Variants in PSEN1 observed in about 807,000 individuals in gnomAD.
The protein encoded by PSEN1 is presenilin 1.
Under a neutral mutation model 53.5 loss-of-function variants are expected in PSEN1, and 15 were observed. That is an observed-to-expected ratio of 0.28 (90% confidence interval 0.19 to 0.43). The LOEUF is 0.43. Among genes scored for constraint, PSEN1 ranks in the 20% least tolerant of loss-of-function variants. The pLI is 1.00. For missense variants in PSEN1, 387 were observed against 571.2 expected (o/e 0.68, Z 3.29); for synonymous variants, 208 against 209.8 (o/e 0.99, Z 0.08).
intron 7 of PSEN1, among the ~76,000 whole-genome samples, chr14:73,196,722 C>T (rs1400278736): frequency 1.3e-5 from 2 of 151,584 alleles, no homozygotes; most frequent in African/African-American, 4.8e-5. Flanking sequence ...TGATCTGCTG[C>T]CTCAGCCTCC....
chr14:73,163,312 T>C (rs189316297), intron 3 of PSEN1, among the ~76,000 whole-genome samples: 2 of 152,310 alleles, frequency 1.3e-5, no homozygotes, highest in East Asian at 3.9e-4. Flanking sequence ...ACTCGATGGC[T>C]CATGCCTGTA....
In PSEN1 at chr14:73,157,056, A is replaced by G. The variant is rs938668259; in HGVS notation, c.87+8950A>G. 5.3e-5 allele frequency among the ~76,000 whole-genome samples: 8 copies of G among 151,972 alleles called. 1 individual carries two copies. The South Asian group carries it at 1.5e-3, about 28-fold the overall frequency. On this transcript the variant is annotated intron_variant, in intron 3 of 11. Transcript: ENST00000324501. The stretch of plus-strand genomic sequence containing the variant: ...AGATTTTTCCTTTCGGAAATCCCTC[A>G]GTATTCTAGTACCACTTTCCTCTCA...
At chr14:73,195,717 G>A (rs1042326413) in intron 7 of PSEN1, among the ~76,000 whole-genome samples, 1 of 151,912 alleles carries the variant, frequency 6.6e-6, no homozygotes, top group Non-Finnish European at 1.5e-5. Context: ...TCAGCCTCCC[G>A]AGTAGATAAG....
intron 5 of PSEN1, among the ~76,000 whole-genome samples, chr14:73,184,367 C>T (rs1198372456): frequency 4.3e-5 from 5 of 117,622 alleles, no homozygotes; most frequent in Admixed American, 8.2e-5. Flanking sequence ...ACCTCCCGGA[C>T]GGGGCGGCTG....
intron 5 of PSEN1, among the ~76,000 whole-genome samples, chr14:73,184,152 G>T (rs1180169054): frequency 8.8e-6 from 1 of 113,934 alleles, no homozygotes; most frequent in East Asian, 2.6e-4. Context: ...CCGGCCGGGG[G>T]GCTGACCCCC....
intron 5 of PSEN1, 77 bp downstream of exon 5, chr14:73,173,784 T>A: frequency 6.7e-7 from 1 of 1,491,700 alleles, no homozygotes; most frequent in Non-Finnish European, 9.4e-7. Flanking sequence ...GTAACTTAAC[T>A]GATCTAGGAA....
chr14:73,147,226 C>T (rs1241346566), intron 1 of PSEN1, among the ~76,000 whole-genome samples: 6 of 152,006 alleles, frequency 3.9e-5, no homozygotes, highest in African/African-American at 1.2e-4. Flanking sequence ...CCTCGTGATC[C>T]GCCCGCCTTG....
At chr14:73,154,899 G>A (rs1897314310) in intron 3 of PSEN1, among the ~76,000 whole-genome samples, 1 of 152,210 alleles carries the variant, frequency 6.6e-6, no homozygotes, top group Non-Finnish European at 1.5e-5. Context: ...TGCTGCTGAG[G>A]TTGTAGGGAA....
chr14:73,190,651 G>T (rs999748065), intron 6 of PSEN1, among the ~76,000 whole-genome samples: 1 of 152,030 alleles, frequency 6.6e-6, no homozygotes, highest in Admixed American at 6.6e-5. Flanking sequence ...TTTTGGAGGT[G>T]GAGACAGGAG....
chr14:73,217,342 T>A, intron 11 of PSEN1, 98 bp downstream of exon 11: 1 of 1,405,020 alleles, frequency 7.1e-7, no homozygotes, highest in Non-Finnish European at 1.0e-6. Flanking sequence ...CCAGGTGGGT[T>A]AAATATTCCA....
At chr14:73,217,912 C>G (rs1015063114) in intron 11 of PSEN1, among the ~76,000 whole-genome samples, 1 of 151,174 alleles carries the variant, frequency 6.6e-6, no homozygotes, top group African/African-American at 2.4e-5. Flanking sequence ...CTCAGCCTCC[C>G]GAGTAGCTGG....
chr14:73,152,869 C>A (rs1385547193), intron 3 of PSEN1, among the ~76,000 whole-genome samples: 1 of 152,104 alleles, frequency 6.6e-6, no homozygotes, highest in East Asian at 1.9e-4. Flanking sequence ...ACGGTGAAAC[C>A]CTGTCTCTAT....
At chr14:73,193,104 G>A (rs1052419787) in intron 7 of PSEN1, among the ~76,000 whole-genome samples, 4 of 151,996 alleles carry the variant, frequency 2.6e-5, no homozygotes, top group African/African-American at 9.7e-5. Flanking sequence ...TAAGCCCAGA[G>A]TTCAAGACCA....
intron 1 of PSEN1, among the ~76,000 whole-genome samples, chr14:73,144,667 A>G (rs955275392): frequency 6.6e-6 from 1 of 152,196 alleles, no homozygotes; most frequent in Non-Finnish European, 1.5e-5. Context: ...GGATAAAGGG[A>G]ATATCATAAA....
chr14:73,211,360 A>AT (rs144330434), intron 9 of PSEN1, among the ~76,000 whole-genome samples: 2,440 of 152,114 alleles, frequency 0.016, 47 homozygotes, highest in East Asian at 0.049. Flanking sequence ...GGGACTGTTT[A>AT]TTTTTTCCTT....
chr14:73,180,080 G>T (rs1000676298), intron 5 of PSEN1, among the ~76,000 whole-genome samples: 1 of 152,060 alleles, frequency 6.6e-6, no homozygotes, highest in Non-Finnish European at 1.5e-5. Context: ...CGCCTCCTGG[G>T]TTCAAGTGAT....
chr14:73,170,610 G>C (rs747213199), intron 3 of PSEN1, among the ~76,000 whole-genome samples, 187 bp from the exon 4 acceptor site: 1 of 152,174 alleles, frequency 6.6e-6, no homozygotes, highest in Non-Finnish European at 1.5e-5. Flanking sequence ...GAGAGGACCT[G>C]AATGCCTTCA....
intron 1 of PSEN1, among the ~76,000 whole-genome samples, chr14:73,145,106 T>A (rs1275940132): frequency 6.6e-6 from 1 of 152,106 alleles, no homozygotes; most frequent in Non-Finnish European, 1.5e-5. Context: ...TTGGCCAGGC[T>A]GGTCTCGAAC....
At chr14:73,214,153 G>T (rs748397927) in intron 10 of PSEN1, among the ~76,000 whole-genome samples, 10 of 152,164 alleles carry the variant, frequency 6.6e-5, no homozygotes, top group Admixed American at 1.3e-4. Context: ...GTTATAAAAA[G>T]AAACAATCTA....
Sources: gnomAD v4.1 joint callset for allele counts (sites outside exome capture counted in the v4.1 genomes callset) on GRCh38, gnomAD v4.1.1 for gene constraint, MANE v1.5 for transcripts, NCBI Gene and HGNC (gene_info 2026-07-23, HGNC 2026-07-21) for gene names.